The following ZNRF1 variants were observed in gnomAD, a reference collection of about 807,000 sequenced individuals.
ZNRF1 encodes zinc and ring finger 1.
ZNRF1 carries 3 observed loss-of-function variants against 18.4 expected under a neutral mutation model. The ratio of observed to expected loss-of-function variants is 0.16; its 90% confidence interval spans 0.07 to 0.42. The LOEUF (loss-of-function observed/expected upper bound fraction) is 0.42, where lower values mean the gene tolerates loss of function less well. Among genes scored for constraint, ZNRF1 ranks in the 10% least tolerant of loss-of-function variants. The probability of loss-of-function intolerance (pLI) is 0.99; values close to 1 mark genes in which losing one functional copy is unlikely to be tolerated. For missense variants in ZNRF1, 310 were observed against 329.8 expected, an observed-to-expected ratio of 0.94 and a Z score of 0.47; for synonymous variants, 157 against 144.2, an observed-to-expected ratio of 1.09 and a Z score of -0.64.
intron 1 of ZNRF1, among the ~76,000 whole-genome samples, chr16:75,055,770 A>G (rs2035659388): frequency 6.6e-6 from 1 of 152,180 alleles, no homozygotes; most frequent in Non-Finnish European, 1.5e-5. Context: ...TTTACAGAAG[A>G]AAAACAGCAT....
intron 2 of ZNRF1, among the ~76,000 whole-genome samples, chr16:75,100,168 C>T (rs1423658924): frequency 6.6e-6 from 1 of 152,228 alleles, no homozygotes; most frequent in African/African-American, 2.4e-5. Flanking sequence ...TGCTCCCTGC[C>T]GTGTGCCAGC....
intron 1 of ZNRF1, among the ~76,000 whole-genome samples, chr16:75,033,122 T>G (rs2035327714): frequency 6.6e-6 from 1 of 152,214 alleles, no homozygotes; most frequent in African/African-American, 2.4e-5. Flanking sequence ...CATGTTCCTT[T>G]GATTACTGTG....
chr16:75,030,323 G>C (rs1173601954), intron 1 of ZNRF1, among the ~76,000 whole-genome samples: 1 of 151,948 alleles, frequency 6.6e-6, no homozygotes, highest in East Asian at 1.9e-4. Context: ...TATCCATATG[G>C]AAAAGAATGT....
At chr16:75,053,076 T>G (rs891639385) in intron 1 of ZNRF1, among the ~76,000 whole-genome samples, 3 of 152,182 alleles carry the variant, frequency 2.0e-5, no homozygotes, top group Non-Finnish European at 2.9e-5. Flanking sequence ...ATTCCTGCCC[T>G]AGGTAGGCTG....
intron 1 of ZNRF1, among the ~76,000 whole-genome samples, chr16:75,040,042 C>CTT (rs57122648): frequency 1.0e-4 from 8 of 78,852 alleles, no homozygotes; most frequent in African/African-American, 2.2e-4. Flanking sequence ...TCTTTTCTTT[C>CTT]TTTTTTTTTT....
chr16:75,032,376 T>G (rs1335059608), intron 1 of ZNRF1, among the ~76,000 whole-genome samples: 4 of 152,156 alleles, frequency 2.6e-5, no homozygotes, highest in Non-Finnish European at 5.9e-5. Flanking sequence ...CCCAAAGTGC[T>G]GGGATTACAG....
intron 2 of ZNRF1, among the ~76,000 whole-genome samples, chr16:75,096,103 A>G: frequency 1.8e-5 from 2 of 111,048 alleles, no homozygotes; most frequent in African/African-American, 7.8e-5. Context: ...TGTGTGTGTA[A>G]ACTAGAGGCT....
intron 2 of ZNRF1, among the ~76,000 whole-genome samples, chr16:75,099,653 T>C (rs1236785432): frequency 1.3e-5 from 2 of 152,156 alleles, no homozygotes; most frequent in Non-Finnish European, 2.9e-5. Context: ...TTTGTTCTTA[T>C]CCGGCAGCAT....
At chr16:75,078,768 A>C (rs2035974462) in intron 1 of ZNRF1, among the ~76,000 whole-genome samples, 1 of 152,242 alleles carries the variant, frequency 6.6e-6, no homozygotes, top group Admixed American at 6.5e-5. Context: ...CTTCTTTCAT[A>C]AACATTTGTT....
At chr16:75,002,761 T>C (rs1348680717) in intron 1 of ZNRF1, among the ~76,000 whole-genome samples, 2 of 152,252 alleles carry the variant, frequency 1.3e-5, no homozygotes, top group Non-Finnish European at 2.9e-5. Context: ...GAGGAAGCGC[T>C]GTAGTCACAT....
intron 1 of ZNRF1, among the ~76,000 whole-genome samples, chr16:75,092,184 A>G (rs2036147865): frequency 6.6e-6 from 1 of 151,958 alleles, no homozygotes; most frequent in Non-Finnish European, 1.5e-5. Flanking sequence ...TATAAGGAAG[A>G]GAAAATATAT....
chr16:75,013,408 G>C (rs759048468), intron 1 of ZNRF1, among the ~76,000 whole-genome samples: 17 of 151,436 alleles, frequency 1.1e-4, no homozygotes, highest in Non-Finnish European at 2.4e-4. Flanking sequence ...GTGCAGTGGC[G>C]TGATCTCAGC....
chr16:75,041,724 C>G (rs1209448164), intron 1 of ZNRF1, among the ~76,000 whole-genome samples: 1 of 151,548 alleles, frequency 6.6e-6, no homozygotes, highest in Non-Finnish European at 1.5e-5. Context: ...AATGTCAATT[C>G]AAATCTTTGC....
intron 1 of ZNRF1, among the ~76,000 whole-genome samples, chr16:75,073,182 A>C (rs975579614): frequency 1.3e-5 from 2 of 150,976 alleles, no homozygotes; most frequent in Non-Finnish European, 2.9e-5. Context: ...ATGTATATAT[A>C]TATACACACA....
chr16:75,072,963 G>C (rs147203811), intron 1 of ZNRF1, among the ~76,000 whole-genome samples: 1 of 152,116 alleles, frequency 6.6e-6, no homozygotes, highest in Non-Finnish European at 1.5e-5. Context: ...ACACTCAACC[G>C]GTTATCTAGT....
intron 1 of ZNRF1, among the ~76,000 whole-genome samples, chr16:75,051,249 C>A (rs1032597971): frequency 6.6e-6 from 1 of 152,018 alleles, no homozygotes; most frequent in African/African-American, 2.4e-5. Flanking sequence ...ACTCTGTCGC[C>A]TAGTCTGGAG....
intron 1 of ZNRF1, among the ~76,000 whole-genome samples, chr16:75,053,577 G>A (rs1445933981): frequency 2.2e-5 from 3 of 135,194 alleles, no homozygotes; most frequent in Non-Finnish European, 4.6e-5. Flanking sequence ...GTGACAGAGC[G>A]AGACTCCATC....
intron 1 of ZNRF1, among the ~76,000 whole-genome samples, chr16:75,077,696 G>C (rs1273607120): frequency 2.0e-5 from 3 of 152,146 alleles, no homozygotes. Context: ...TGGTCTCGCT[G>C]GGCTGAAATC....
Position 74,999,375 on chromosome 16 carries a change from G to A in ZNRF1, c.-297G>A, listed in dbSNP as rs2034803585. ...CGGCTCCCCCGGCTTTCGGAGCCCG[G>A]GGGCGGCCTGTGGCGCGCGGAGCCC... On this transcript the variant is annotated 5_prime_UTR_variant, in exon 1 of 5. Transcript: ENST00000335325. The A allele has an allele frequency of 4.2e-6, 1 of 236,362 alleles. No homozygotes were observed. Among genetic ancestry groups the A allele is most frequent in the African/African-American group, 2.3e-5 (1 of 44,234 alleles). The allele number at this position is 236,362 out of a possible 1,614,324, so 14.6% of individuals were successfully genotyped here. A position where few individuals can be genotyped will look rare whatever the true frequency, so the allele number is the denominator to read the frequency against.
Sources: allele counts gnomAD v4.1 joint callset (sites outside exome capture counted in the v4.1 genomes callset), GRCh38; gene constraint gnomAD v4.1.1; transcripts MANE v1.5; gene names NCBI Gene and HGNC (gene_info 2026-07-23, HGNC 2026-07-21).